TBC1D1: variants seen among roughly 807,000 people sequenced by gnomAD.
TBC1D1 encodes TBC1 (tre-2/USP6, BUB2, cdc16) domain family, member 1.
Under a neutral mutation model 125.6 loss-of-function variants are expected in TBC1D1, and 89 were observed. The observed-to-expected ratio is 0.71, with a 90% CI of 0.60 to 0.85. The LOEUF is 0.85. TBC1D1 is among the 40% of genes least tolerant of loss of function. The pLI is 0.00. For synonymous variants in TBC1D1, 565 were observed against 564.1 expected, an observed-to-expected ratio of 1.00 and a Z score of -0.02; for missense variants, 1,377 against 1,469.2, an observed-to-expected ratio of 0.94 and a Z score of 1.03.
Position 37,977,300 on chromosome 4 carries a change from C to A in TBC1D1, c.418-37209C>A. ...GCTCTCCCCTCCCACTTCCCTTTCT[C>A]TGCCTGGCCGCCCCGCGGGCGCGAC... On this transcript the variant is annotated intron_variant, in intron 2 of 19. Transcript: ENST00000261439. The surrounding 1 kb of genome is among the most constrained non-coding windows in gnomAD (Gnocchi z 4.3). 7.0e-6 allele frequency: 1 copy of A among 142,018 alleles called. No homozygotes were observed. The highest frequency in any genetic ancestry group is 2.1e-4 in the South Asian group (1 of 4,820). The allele number at this position is 142,018 out of a possible 1,614,324, so 8.8% of individuals were successfully genotyped here. A position where few individuals can be genotyped will look rare whatever the true frequency, so the allele number is the denominator to read the frequency against.
intron 2 of TBC1D1, among the ~76,000 whole-genome samples, chr4:38,012,808 T>A (rs1741788905): frequency 6.6e-6 from 1 of 152,140 alleles, no homozygotes; most frequent in African/African-American, 2.4e-5. Flanking sequence ...CTATTTTGTT[T>A]TTTTTGAGAC....
At chr4:37,979,244 T>C (rs1164171236) in intron 2 of TBC1D1, among the ~76,000 whole-genome samples, 1 of 152,264 alleles carries the variant, frequency 6.6e-6, no homozygotes, top group Non-Finnish European at 1.5e-5. Context: ...AGCAAATTCA[T>C]GTATACCTCT....
At chr4:37,945,160 A>C (rs1378513466) in intron 2 of TBC1D1, among the ~76,000 whole-genome samples, 1 of 152,100 alleles carries the variant, frequency 6.6e-6, no homozygotes. Flanking sequence ...GGCTGACCCA[A>C]ATCATCGCTC....
At chr4:38,021,265 C>T (rs1354114153) in intron 5 of TBC1D1, among the ~76,000 whole-genome samples, 1 of 152,166 alleles carries the variant, frequency 6.6e-6, no homozygotes, top group Non-Finnish European at 1.5e-5. Context: ...AAGACCCACT[C>T]CCATGATTCA....
At position 37,932,323 on chromosome 4, in the gene TBC1D1, A is replaced by G. The variant is rs575693793; in HGVS notation, c.417+29811A>G. Among the ~76,000 whole-genome samples the G allele has an allele frequency of 3.3e-5, 5 of 152,358 alleles. No individual in the cohort carries two copies. The South Asian group carries it at 1.0e-3, about 32-fold the overall frequency. On this transcript the variant is annotated intron_variant, in intron 2 of 19. Transcript: ENST00000261439. ...TTGGGGCTTCTAATTTATGCAGAAA[A>G]CTAAGAATTACCACTAATGTTTTAT...
At chr4:37,986,371 A>G (rs529202852) in intron 2 of TBC1D1, among the ~76,000 whole-genome samples, 1 of 152,230 alleles carries the variant, frequency 6.6e-6, no homozygotes, top group Non-Finnish European at 1.5e-5. Context: ...TTGCACTTTC[A>G]TCTTCAAACT....
At chr4:37,913,142 A>G (rs1211367135) in intron 2 of TBC1D1, among the ~76,000 whole-genome samples, 1 of 152,130 alleles carries the variant, frequency 6.6e-6, no homozygotes, top group Non-Finnish European at 1.5e-5. Context: ...TCCCCTCAAT[A>G]CCCAACAGAG....
At chr4:38,087,928 C>T (rs1296754032) in intron 12 of TBC1D1, among the ~76,000 whole-genome samples, 2 of 148,862 alleles carry the variant, frequency 1.3e-5, no homozygotes, top group African/African-American at 5.0e-5. Context: ...CCTTCTGTTG[C>T]CTGGGTGGGT....
At chr4:38,137,035 C>T (rs1042875925) in intron 19 of TBC1D1, 100 bp from the exon 22 acceptor site, 18 of 1,571,950 alleles carry the variant, frequency 1.1e-5, no homozygotes, top group African/African-American at 2.7e-5. Context: ...TGCTGAAACT[C>T]GGCTCCAGAG....
chr4:38,062,579 A>T (rs1204847596), intron 12 of TBC1D1, among the ~76,000 whole-genome samples: 1 of 152,130 alleles, frequency 6.6e-6, no homozygotes, highest in Non-Finnish European at 1.5e-5. Context: ...TTCTATGGTT[A>T]AAGATACTTG....
intron 2 of TBC1D1, among the ~76,000 whole-genome samples, chr4:37,980,581 A>T (rs1030360285): frequency 1.3e-5 from 2 of 152,226 alleles, no homozygotes; most frequent in South Asian, 4.1e-4. Context: ...TATTGCTGGT[A>T]TCTCAAGTTG....
In TBC1D1 at chr4:38,137,042, AG is replaced by A. The variant is rs1278404448; in HGVS notation, c.3307-92del. 21 of 1,589,856 alleles carry A rather than the reference AG, an allele frequency of 1.3e-5. No homozygotes were observed. The East Asian group carries it at 4.5e-4, about 34-fold the overall frequency. On this transcript the variant is annotated intron_variant, in intron 19 of 19. Transcript: ENST00000261439. ...CTCATCCCTGCTGAAACTCGGCTCC[AG>A]AGTGCTCCCAAGGCTGGACAGCGTG...
chr4:38,066,896 C>T (rs1286260818), intron 12 of TBC1D1, among the ~76,000 whole-genome samples: 2 of 151,868 alleles, frequency 1.3e-5, no homozygotes, highest in East Asian at 3.9e-4. Flanking sequence ...TTCTTTTACC[C>T]CGATGGAGTC....
chr4:37,944,688 G>A (rs190826491), intron 2 of TBC1D1, among the ~76,000 whole-genome samples: 22 of 152,332 alleles, frequency 1.4e-4, no homozygotes, highest in East Asian at 1.9e-4. Context: ...TTGGAAAAGC[G>A]CAGTATTAGG....
intron 2 of TBC1D1, among the ~76,000 whole-genome samples, chr4:37,951,852 T>C (rs1380038142): frequency 6.6e-6 from 1 of 152,180 alleles, no homozygotes; most frequent in African/African-American, 2.4e-5. Context: ...GAGTAAATCA[T>C]TCAGATACAA....
Position 38,021,635 on chromosome 4 carries a change from T to C in TBC1D1, c.1127T>C (p.Val376Ala). The C allele has an allele frequency of 6.3e-7, 1 of 1,596,400 alleles. No homozygotes were observed. The highest frequency in any genetic ancestry group is 8.5e-7 in the Non-Finnish European group (1 of 1,172,196). Residue 376 changes from valine (V) to alanine (A), a missense_variant, in exon 6 of 20, where the codon GTG becomes GCG. This residue lies in a region of TBC1D1 where 822 missense variants were observed against 824.6 expected (regional missense o/e 1.00). Transcript: ENST00000261439. ...AAACAGGCCTTCACGGTGGCCGCAG[T>C]GCAGCAGACAGCTAAGGCGCCAGCC...
intron 12 of TBC1D1, among the ~76,000 whole-genome samples, chr4:38,071,645 G>A (rs144642531): frequency 7.0e-4 from 106 of 152,254 alleles, no homozygotes; most frequent in African/African-American, 2.0e-3. Flanking sequence ...GCCTCATGCC[G>A]TTGCTGCTTT....
intron 12 of TBC1D1, among the ~76,000 whole-genome samples, chr4:38,059,381 G>A (rs1752348647): frequency 6.6e-6 from 1 of 152,190 alleles, no homozygotes; most frequent in South Asian, 2.1e-4. Context: ...AAGGGAAATT[G>A]TATGATAAAT....
intron 2 of TBC1D1, among the ~76,000 whole-genome samples, chr4:37,932,702 T>C (rs1451946629): frequency 6.6e-6 from 1 of 152,166 alleles, no homozygotes; most frequent in Non-Finnish European, 1.5e-5. Context: ...AACCCAGTGC[T>C]CCTCTCCTCA....
Sources: allele counts gnomAD v4.1 joint callset (sites outside exome capture counted in the v4.1 genomes callset), GRCh38; gene constraint gnomAD v4.1.1; regional missense constraint gnomAD v4.1.1; non-coding constraint Gnocchi (gnomAD v3.1); transcripts MANE v1.5; gene names NCBI Gene and HGNC (gene_info 2026-07-23, HGNC 2026-07-21).